The following EYS variants were observed in gnomAD, a reference collection of about 807,000 sequenced individuals.
The protein encoded by EYS is EGF-like photoreceptor maintenance factor, also known as protein eyes shut homolog.
A neutral mutation model predicts 282.1 loss-of-function variants in EYS; 250 were observed. The observed-to-expected ratio is 0.89, with a 90% confidence interval of 0.80 to 0.98. EYS has a LOEUF of 0.98. Among genes scored for constraint, EYS ranks in the 50% least tolerant of loss-of-function variants. The pLI, the probability that EYS is intolerant of heterozygous loss-of-function variation, is 0.00. For synonymous variants in EYS, 1,355 were observed against 1,282.9 expected (o/e 1.06, Z -1.20); for missense variants, 4,016 against 3,709.0 (o/e 1.08, Z -2.15).
intron 14 of EYS, among the ~76,000 whole-genome samples, chr6:64,966,336 G>A (rs1382712689): frequency 6.6e-6 from 1 of 151,874 alleles, no homozygotes; most frequent in Admixed American, 6.6e-5. Context: ...TGTTGGGGGG[G>A]GTATTGTTTA....
chr6:64,637,461 G>T (rs1768021203), intron 22 of EYS, among the ~76,000 whole-genome samples: 1 of 66,758 alleles, frequency 1.5e-5, no homozygotes, highest in African/African-American at 5.8e-5. Flanking sequence ...GGGGAGGGGG[G>T]AGGGACAGCA....
Position 64,772,403 on chromosome 6 carries a change from G to C in EYS, c.3443+40975C>G, listed in dbSNP as rs182464522. ...TACATAGTTTTTGTATACATTTATG[G>C]GGTACATGGGATATTTTAATACAGG... On this transcript the variant is annotated intron_variant, in intron 22 of 42. Coordinates refer to ENST00000503581, the MANE Select transcript of EYS (RefSeq NM_001142800.2). Among the ~76,000 whole-genome samples, 36 of 151,716 alleles carry C rather than the reference G, an allele frequency of 2.4e-4. No homozygotes were observed. The East Asian group carries it at 6.4e-3, about 27-fold the overall frequency.
At chr6:64,281,970 C>T (rs1768324882) in intron 30 of EYS, among the ~76,000 whole-genome samples, 1 of 152,030 alleles carries the variant, frequency 6.6e-6, no homozygotes, top group Admixed American at 6.6e-5. Flanking sequence ...ATTGATGTAA[C>T]TTACTGACTG....
chr6:64,290,796 A>C (rs1048255731), intron 30 of EYS, among the ~76,000 whole-genome samples: 2 of 151,374 alleles, frequency 1.3e-5, no homozygotes, highest in Non-Finnish European at 2.9e-5. Flanking sequence ...AACTAGGTCT[A>C]TGTTCTACGT....
intron 22 of EYS, among the ~76,000 whole-genome samples, chr6:64,794,172 T>C (rs1180433194): frequency 6.6e-6 from 1 of 152,206 alleles, no homozygotes; most frequent in African/African-American, 2.4e-5. Context: ...ATATGGCAGC[T>C]ATCCCACTTC....
chr6:65,262,287 A>G (rs1247612632), intron 12 of EYS, among the ~76,000 whole-genome samples: 1 of 152,130 alleles, frequency 6.6e-6, no homozygotes, highest in Admixed American at 6.6e-5. Flanking sequence ...TTCTCAATAC[A>G]TTACATGTCA....
chr6:63,887,793 C>T (rs1023178110), intron 35 of EYS, among the ~76,000 whole-genome samples: 2 of 152,132 alleles, frequency 1.3e-5, no homozygotes, highest in Non-Finnish European at 2.9e-5. Flanking sequence ...GTACCTGGAA[C>T]CCCAGTGAGA....
At chr6:63,984,003 A>G (rs1297325058) in intron 35 of EYS, among the ~76,000 whole-genome samples, 1 of 151,552 alleles carries the variant, frequency 6.6e-6, no homozygotes, top group Non-Finnish European at 1.5e-5. Flanking sequence ...TAAAAAACAA[A>G]TATAAAAATT....
intron 30 of EYS, among the ~76,000 whole-genome samples, chr6:64,237,754 CTT>C (rs1481193917): frequency 6.6e-6 from 1 of 152,116 alleles, no homozygotes; most frequent in Non-Finnish European, 1.5e-5. Flanking sequence ...TGATTAATAA[CTT>C]TGAAAATAAT....
At chr6:64,520,667 A>C (rs575987516) in intron 26 of EYS, among the ~76,000 whole-genome samples, 6 of 151,968 alleles carry the variant, frequency 3.9e-5, no homozygotes, top group Admixed American at 1.3e-4. Context: ...CTGGATATGC[A>C]CATTGAGTCA....
intron 26 of EYS, among the ~76,000 whole-genome samples, chr6:64,443,879 A>G (rs948586490): frequency 2.6e-5 from 4 of 152,222 alleles, no homozygotes; most frequent in Non-Finnish European, 4.4e-5. Context: ...CCTCATCAGC[A>G]GCATGAAAAT....
At chr6:64,524,456 C>T (rs1264391910) in intron 26 of EYS, among the ~76,000 whole-genome samples, 1 of 151,766 alleles carries the variant, frequency 6.6e-6, no homozygotes, top group Non-Finnish European at 1.5e-5. Flanking sequence ...GTTTCTTTTG[C>T]TGTGCGTAAG....
At chr6:64,653,846 T>A (rs1012937775) in intron 22 of EYS, among the ~76,000 whole-genome samples, 20 of 151,818 alleles carry the variant, frequency 1.3e-4, no homozygotes, top group Admixed American at 6.6e-4. Flanking sequence ...ATGACAGGAA[T>A]GAGCCACCAC....
intron 33 of EYS, among the ~76,000 whole-genome samples, chr6:64,002,807 G>A: frequency 6.6e-6 from 1 of 150,898 alleles, no homozygotes; most frequent in East Asian, 1.9e-4. Flanking sequence ...CAAAGAGCTG[G>A]GATTATAGGC....
chr6:64,811,432 A>G (rs1300225660), intron 22 of EYS, among the ~76,000 whole-genome samples: 4 of 151,684 alleles, frequency 2.6e-5, no homozygotes, highest in Non-Finnish European at 2.9e-5. Flanking sequence ...AAAAAAAAAA[A>G]AAATCAGCCA....
intron 29 of EYS, among the ~76,000 whole-genome samples, chr6:64,334,106 T>C (rs1432560758): frequency 1.3e-5 from 2 of 152,262 alleles, no homozygotes; most frequent in Middle Eastern, 3.4e-3. Flanking sequence ...TCCAAGAACA[T>C]AACACAATGA....
chr6:65,150,260 T>C (rs1421914340), intron 12 of EYS, among the ~76,000 whole-genome samples: 1 of 152,092 alleles, frequency 6.6e-6, no homozygotes, highest in Middle Eastern at 3.2e-3. Context: ...TTTTACTTTT[T>C]TTCCCCTTTT....
chr6:65,684,386 G>C (rs781521029), intron 1 of EYS, among the ~76,000 whole-genome samples: 35 of 152,080 alleles, frequency 2.3e-4, no homozygotes, highest in Admixed American at 9.8e-4. Context: ...ATGGTGGGAG[G>C]GGGTCCTTTT....
At chr6:64,165,985 A>G (rs1202229614) in intron 31 of EYS, among the ~76,000 whole-genome samples, 1 of 152,244 alleles carries the variant, frequency 6.6e-6, no homozygotes, top group Non-Finnish European at 1.5e-5. Context: ...CTACAGGTTC[A>G]GCCAAATTGG....
Sources: allele counts gnomAD v4.1 joint callset (sites outside exome capture counted in the v4.1 genomes callset), GRCh38; gene constraint gnomAD v4.1.1; transcripts MANE v1.5; gene names NCBI Gene and HGNC (gene_info 2026-07-23, HGNC 2026-07-21).